KLRG1: variants seen among roughly 807,000 people sequenced by gnomAD.
The protein encoded by KLRG1 is killer cell lectin-like receptor subfamily G member 1.
A neutral mutation model predicts 21.8 loss-of-function variants in KLRG1; 16 were observed. That is an observed-to-expected ratio of 0.73 (90% CI 0.50 to 1.11). KLRG1 has a LOEUF of 1.11. Among genes scored for constraint, KLRG1 ranks in the 50% most tolerant of loss-of-function variants. The pLI is 0.00. For missense variants in KLRG1, 173 were observed against 218.3 expected (o/e 0.79, Z 1.31); for synonymous variants, 69 against 75.9 (o/e 0.91, Z 0.47).
At chr12:9,160,916 A>G in the KLRG1 span, 2 of 882,442 alleles carry the variant, frequency 2.3e-6, no homozygotes, top group South Asian at 1.5e-5. Context: ...CTCCATCTCA[A>G]AAAAATAAAA....
intron 1 of KLRG1, among the ~76,000 whole-genome samples, chr12:8,982,818 G>A (rs2137295313): frequency 6.6e-6 from 1 of 151,938 alleles, no homozygotes; most frequent in South Asian, 2.1e-4. Flanking sequence ...GCTATTTTTT[G>A]TATTTTTAGT....
At chr12:8,990,315 G>A (rs1044484705) in intron 1 of KLRG1, 5 of 152,120 alleles carry the variant, frequency 3.3e-5, no homozygotes, top group African/African-American at 1.2e-4. Context: ...TTTACATAGA[G>A]CCCTGAGAGA....
At chr12:9,208,201 A>G in the KLRG1 span, 24 of 1,350,550 alleles carry the variant, frequency 1.8e-5, no homozygotes, top group Admixed American at 4.0e-4. Context: ...GGCAAAGCGA[A>G]GACACAAGGG....
chr12:9,154,479 C>G, the KLRG1 span: 2 of 887,958 alleles, frequency 2.3e-6, no homozygotes, highest in African/African-American at 3.4e-5. Context: ...CCTTTAAATT[C>G]TCATGGTCCT....
the KLRG1 span, chr12:9,165,451 C>T: frequency 1.1e-4 from 168 of 1,464,916 alleles, no homozygotes; most frequent in Admixed American, 1.5e-4. Context: ...ATAAAGCTAA[C>T]GTCAAGAACT....
the KLRG1 span, among the ~76,000 whole-genome samples, chr12:9,180,447 CAG>C: frequency 6.6e-6 from 1 of 152,164 alleles, no homozygotes; most frequent in African/African-American, 2.4e-5. Context: ...GGTACCAAAA[CAG>C]AGATATAGAT....
chr12:9,158,049 C>T, the KLRG1 span, among the ~76,000 whole-genome samples: 1 of 152,190 alleles, frequency 6.6e-6, no homozygotes, highest in Non-Finnish European at 1.5e-5. Flanking sequence ...CTCCTAGGCT[C>T]AAGCAATTTT....
At chr12:8,985,278 T>C (rs1475875912), upstream of KLRG1, among the ~76,000 whole-genome samples, 2 of 152,262 alleles carry the variant, frequency 1.3e-5, no homozygotes, top group East Asian at 3.9e-4. Context: ...ATGTTTACAT[T>C]GGATGTGTAG....
chr12:9,013,353 C>G (rs1033816830), downstream of KLRG1, among the ~76,000 whole-genome samples: 2 of 152,132 alleles, frequency 1.3e-5, no homozygotes, highest in Non-Finnish European at 2.9e-5. Flanking sequence ...TCGAGGAAAA[C>G]ATGACCTCAC....
the KLRG1 span, among the ~76,000 whole-genome samples, chr12:9,126,689 C>G: frequency 6.6e-6 from 1 of 152,128 alleles, no homozygotes; most frequent in Admixed American, 6.5e-5. Context: ...TATGGGTGCT[C>G]CCTCCCTGTT....
chr12:9,122,625 T>C, the KLRG1 span, among the ~76,000 whole-genome samples: 5 of 152,214 alleles, frequency 3.3e-5, no homozygotes, highest in Non-Finnish European at 5.9e-5. Flanking sequence ...ATTTTTGTTA[T>C]GCTAAAAGAT....
At chr12:9,093,338 T>C in the KLRG1 span, 6 of 658,782 alleles carry the variant, frequency 9.1e-6, no homozygotes, top group Non-Finnish European at 1.6e-5. Context: ...TGTGTATATA[T>C]ATATATCAAA....
chr12:9,093,891 TCAAA>T, the KLRG1 span, among the ~76,000 whole-genome samples: 25,901 of 150,906 alleles, frequency 0.17, 2,387 homozygotes, highest in African/African-American at 0.22. Context: ...AGACTTCGTC[TCAAA>T]CAAACAAACA....
the KLRG1 span, chr12:9,027,426 G>C: frequency 1.7e-6 from 1 of 597,424 alleles, no homozygotes; most frequent in Non-Finnish European, 3.1e-6. Flanking sequence ...GTAGCAGCTA[G>C]GCCTTGCCAC....
intron 3 of KLRG1, among the ~76,000 whole-genome samples, chr12:9,007,791 A>G (rs892841146): frequency 6.6e-6 from 1 of 152,234 alleles, no homozygotes; most frequent in Non-Finnish European, 1.5e-5. Flanking sequence ...ATAAAAAAGA[A>G]TATTTTATTC....
chr12:9,048,558 T>C, the KLRG1 span, among the ~76,000 whole-genome samples: 297 of 152,316 alleles, frequency 1.9e-3, no homozygotes, highest in Middle Eastern at 6.8e-3. Flanking sequence ...TAGTTCAGCA[T>C]TCAAAAATCA....
At chr12:9,067,890 CAG>C in the KLRG1 span, 2 of 1,556,168 alleles carry the variant, frequency 1.3e-6, no homozygotes, top group East Asian at 2.3e-5. Context: ...TCTCCATGAG[CAG>C]AGAGTATTCT....
the KLRG1 span, chr12:9,152,762 A>G: frequency 6.5e-7 from 1 of 1,548,118 alleles, no homozygotes. Flanking sequence ...TGGACTATTA[A>G]TTTCTGTTAA....
chr12:9,210,809 T>C, the KLRG1 span, among the ~76,000 whole-genome samples: 115 of 152,342 alleles, frequency 7.5e-4, no homozygotes, highest in African/African-American at 2.6e-3. Context: ...TATATGTTTA[T>C]ATGTATGTAT....
Sources: gnomAD v4.1 joint callset for allele counts (sites outside exome capture counted in the v4.1 genomes callset) on GRCh38, gnomAD v4.1.1 for gene constraint, MANE v1.5 for transcripts, NCBI Gene and HGNC (gene_info 2026-07-23, HGNC 2026-07-21) for gene names.